IL31RA: variants seen among roughly 807,000 people sequenced by gnomAD.
The protein encoded by IL31RA is interleukin-31 receptor subunit alpha.
IL31RA carries 66 observed loss-of-function variants against 83.7 expected under a neutral mutation model. That is an observed-to-expected ratio of 0.79 (90% CI 0.65 to 0.97). The LOEUF (loss-of-function observed/expected upper bound fraction) is 0.97, where lower values mean the gene tolerates loss of function less well. Among genes scored for constraint, IL31RA ranks in the 50% least tolerant of loss-of-function variants. IL31RA has a pLI of 0.00. For missense variants in IL31RA, 798 were observed against 919.4 expected (o/e 0.87, Z 1.71); for synonymous variants, 325 against 329.0 (o/e 0.99, Z 0.13).
At chr5:55,900,974 T>C (rs533424276) in intron 8 of IL31RA, among the ~76,000 whole-genome samples, 95 of 152,184 alleles carry the variant, frequency 6.2e-4, no homozygotes, top group Non-Finnish European at 1.1e-3. Flanking sequence ...TGTGGAAACA[T>C]ATCATAGTCA....
intron 7 of IL31RA, among the ~76,000 whole-genome samples, chr5:55,897,503 C>T (rs1748481201): frequency 6.6e-6 from 1 of 152,208 alleles, no homozygotes; most frequent in Admixed American, 6.5e-5. Flanking sequence ...CTCAGAAGAG[C>T]TCTGATCAGG....
intron 5 of IL31RA, among the ~76,000 whole-genome samples, chr5:55,883,935 A>T (rs1184295787): frequency 6.6e-6 from 1 of 152,226 alleles, no homozygotes; most frequent in Non-Finnish European, 1.5e-5. Flanking sequence ...TTCATGCTAT[A>T]TAATGCTGTA....
At chr5:55,859,154 G>A (rs976966758) in intron 1 of IL31RA, among the ~76,000 whole-genome samples, 1 of 152,218 alleles carries the variant, frequency 6.6e-6, no homozygotes, top group African/African-American at 2.4e-5. Flanking sequence ...AAAACTGTGA[G>A]TTGTTCCATT....
chr5:55,886,466 G>C (rs991327536), intron 5 of IL31RA, among the ~76,000 whole-genome samples: 5 of 151,668 alleles, frequency 3.3e-5, no homozygotes, highest in Admixed American at 3.3e-4. Context: ...GTAGAGATGG[G>C]GTTTCACATG....
intron 6 of IL31RA, among the ~76,000 whole-genome samples, chr5:55,893,871 G>A (rs1247043689): frequency 6.8e-6 from 1 of 147,596 alleles, no homozygotes; most frequent in Non-Finnish European, 1.5e-5. Flanking sequence ...AAATGTAGTG[G>A]TGAGATCTCA....
chr5:55,853,314 G>T (rs1023819991), intron 1 of IL31RA: 56 of 1,223,544 alleles, frequency 4.6e-5, no homozygotes, highest in Non-Finnish European at 5.2e-5. Flanking sequence ...TTTTGCTTTT[G>T]TTTTTAGTTA....
At chr5:55,876,596 G>T (rs1021034807) in intron 4 of IL31RA, among the ~76,000 whole-genome samples, 2 of 152,038 alleles carry the variant, frequency 1.3e-5, no homozygotes, top group African/African-American at 2.4e-5. Context: ...ATCAGTTTTT[G>T]ACTTAAAATG....
chr5:55,894,386 C>G (rs1177458725), intron 6 of IL31RA, among the ~76,000 whole-genome samples: 3 of 152,168 alleles, frequency 2.0e-5, no homozygotes, highest in Admixed American at 2.0e-4. Context: ...TACCGGCTGT[C>G]CTGTCTTATG....
chr5:55,904,878 A>G (rs1412057964), intron 8 of IL31RA, among the ~76,000 whole-genome samples: 1 of 137,116 alleles, frequency 7.3e-6, no homozygotes, highest in Non-Finnish European at 1.5e-5. Context: ...GCCTGTATCC[A>G]GGATCATCTC....
rs889102776 is a variant in IL31RA at position 55,903,644 on chromosome 5, G to T, written c.1070-2462G>T. 6.6e-6 allele frequency among the ~76,000 whole-genome samples: 1 copy of T among 152,206 alleles called. No individual in the cohort carries two copies. Among genetic ancestry groups the T allele is most frequent in the African/African-American group, 2.4e-5 (1 of 41,440 alleles). On this transcript the variant is annotated intron_variant, in intron 8 of 14. Transcript: ENST00000652347. This position sits in a 1 kb window ranked among gnomAD's most constrained non-coding sequence, Gnocchi z 4.7. ...TAGACCCGGATCTCCCTGCTCCTCA[G>T]AGCTCCAGTGTTGGTGAGAAGGAGT...
chr5:55,843,239 A>C, the IL31RA span, among the ~76,000 whole-genome samples: 1 of 152,222 alleles, frequency 6.6e-6, no homozygotes, highest in East Asian at 1.9e-4. Flanking sequence ...CTGTGGTCCC[A>C]GAAATCATGG....
In IL31RA at chr5:55,918,421, C is replaced by A. The variant is rs1043222828; in HGVS notation, c.*1301C>A. On this transcript the variant is annotated 3_prime_UTR_variant, in exon 15 of 15. Coordinates refer to ENST00000652347, the MANE Select transcript of IL31RA (RefSeq NM_139017.7). ...ACTTTCCTAAAACTAAAATTAATTG[C>A]CAGCCTGAGACCTGACACTTCAAAG... Among the ~76,000 whole-genome samples the A allele has an allele frequency of 6.6e-6, 1 of 152,168 alleles. No individual in the cohort carries two copies. Among genetic ancestry groups the A allele is most frequent in the Non-Finnish European group, 1.5e-5 (1 of 68,036 alleles).
At chr5:55,859,444 A>T (rs1490584751) in intron 1 of IL31RA, 65 bp from the exon 2 acceptor site, 2 of 1,154,984 alleles carry the variant, frequency 1.7e-6, no homozygotes, top group Non-Finnish European at 2.6e-6. Context: ...TCTATTTGCC[A>T]TTGGAAATAG....
In IL31RA at chr5:55,903,665, G is replaced by A. The variant is rs1463906833; in HGVS notation, c.1070-2441G>A. Among the ~76,000 whole-genome samples the A allele has an allele frequency of 6.6e-6, 1 of 152,218 alleles. No individual in the cohort carries two copies. The highest frequency in any genetic ancestry group is 2.4e-5 in the African/African-American group (1 of 41,468). On this transcript the variant is annotated intron_variant, in intron 8 of 14. Transcript: ENST00000652347. The surrounding 1 kb of genome is among the most constrained non-coding windows in gnomAD (Gnocchi z 4.7). ...CTCAGAGCTCCAGTGTTGGTGAGAA[G>A]GAGTGTGGGTTTAGACACCAACACT...
upstream of IL31RA, among the ~76,000 whole-genome samples, chr5:55,848,200 G>T (rs890530756): frequency 9.9e-5 from 15 of 152,244 alleles, no homozygotes; most frequent in East Asian, 1.3e-3. Flanking sequence ...AGAAGAGAGG[G>T]AATTAAACTT....
At chr5:55,880,179 A>G (rs529567712) in intron 4 of IL31RA, among the ~76,000 whole-genome samples, 1 of 152,336 alleles carries the variant, frequency 6.6e-6, no homozygotes, top group Admixed American at 6.5e-5. Flanking sequence ...GAAATACTTA[A>G]TATGTCTATT....
chr5:55,882,484 C>G (rs1747300795), intron 4 of IL31RA, among the ~76,000 whole-genome samples: 1 of 152,158 alleles, frequency 6.6e-6, no homozygotes, highest in African/African-American at 2.4e-5. Flanking sequence ...AGGGTTATCT[C>G]TGGTTGATGG....
chr5:55,859,240 G>A (rs1005040964), intron 1 of IL31RA, among the ~76,000 whole-genome samples: 12 of 152,080 alleles, frequency 7.9e-5, no homozygotes, highest in Admixed American at 7.2e-4. Context: ...TTTTTTTCTG[G>A]AGCACATTCT....
chr5:55,856,388 G>T (rs778915792), intron 1 of IL31RA, among the ~76,000 whole-genome samples: 2 of 152,144 alleles, frequency 1.3e-5, no homozygotes, highest in African/African-American at 2.4e-5. Context: ...TTGAAGACCA[G>T]TTATTCAAAA....
Sources: allele counts gnomAD v4.1 joint callset (sites outside exome capture counted in the v4.1 genomes callset), GRCh38; gene constraint gnomAD v4.1.1; non-coding constraint Gnocchi (gnomAD v3.1); transcripts MANE v1.5; gene names NCBI Gene and HGNC (gene_info 2026-07-23, HGNC 2026-07-21).